IKZF2: variants seen among roughly 807,000 people sequenced by gnomAD.
IKZF2 encodes zinc finger protein Helios.
In IKZF2, 15 loss-of-function variants were observed where a neutral mutation model predicts 49.2. The ratio of observed to expected loss-of-function variants is 0.30; its 90% CI spans 0.20 to 0.47. IKZF2 has a LOEUF of 0.47. Among genes scored for constraint, IKZF2 ranks in the 20% least tolerant of loss-of-function variants. The probability of loss-of-function intolerance (pLI) is 1.00; values close to 1 mark genes in which losing one functional copy is unlikely to be tolerated. For synonymous variants in IKZF2, 227 were observed against 221.4 expected, an observed-to-expected ratio of 1.03 and a Z score of -0.23; for missense variants, 567 against 664.6, an observed-to-expected ratio of 0.85 and a Z score of 1.61.
At position 213,100,549 on chromosome 2, in the gene IKZF2, T is replaced by C. The variant is rs192567707; in HGVS notation, c.140-43450A>G. On this transcript the variant is annotated intron_variant, in intron 4 of 8. Coordinates refer to ENST00000434687, the MANE Select transcript of IKZF2 (RefSeq NM_001387220.1). ...TGAAAGCCACGTATTTAACATACTG[T>C]CTTAAAAGGCTATTTAATACAGCCA... Among the ~76,000 whole-genome samples the C allele has an allele frequency of 2.0e-4, 30 of 152,136 alleles. No homozygotes were observed. In the East Asian group the frequency reaches 5.2e-3, roughly 26 times the overall value.
At chr2:213,013,185 G>A (rs1696166872) in intron 8 of IKZF2, among the ~76,000 whole-genome samples, 1 of 151,844 alleles carries the variant, frequency 6.6e-6, no homozygotes, top group African/African-American at 2.4e-5. Flanking sequence ...TTGAATGTAG[G>A]TTGCTGCATT....
At chr2:213,061,657 C>T (rs13394636) in intron 4 of IKZF2, among the ~76,000 whole-genome samples, 69,596 of 151,140 alleles carry the variant, frequency 0.46, 18,558 homozygotes, top group East Asian at 0.75. Context: ...CTTAAAAAAT[C>T]ATTAAACCAG....
intron 5 of IKZF2, among the ~76,000 whole-genome samples, chr2:213,055,209 T>G (rs1215549708): frequency 6.6e-6 from 1 of 152,102 alleles, no homozygotes; most frequent in Non-Finnish European, 1.5e-5. Context: ...GTTATCTTCC[T>G]TAATACAATC....
At chr2:213,144,302 T>C (rs1392629498) in intron 4 of IKZF2, among the ~76,000 whole-genome samples, 1 of 151,932 alleles carries the variant, frequency 6.6e-6, no homozygotes. Context: ...TTTTGCATCA[T>C]GATGTATTTT....
At position 213,008,091 on chromosome 2, in the gene IKZF2, G is replaced by A; in HGVS notation, c.857-7C>T. The A allele has an allele frequency of 6.4e-7, 1 of 1,557,134 alleles. No homozygotes were observed. The highest frequency in any genetic ancestry group is 8.6e-7 in the Non-Finnish European group (1 of 1,156,516). ...AATCGCATGAGCTTTTCCCCTGGAA[G>A]GGAGTGGGAGGTGAAAGAAGTAAAA... On this transcript the variant is annotated splice_polypyrimidine_tract_variant and splice_region_variant and intron_variant, in intron 8 of 8. Coordinates refer to ENST00000434687, the MANE Select transcript of IKZF2 (RefSeq NM_001387220.1).
chr2:213,126,960 C>G (rs2060284835), intron 4 of IKZF2, among the ~76,000 whole-genome samples: 1 of 152,106 alleles, frequency 6.6e-6, no homozygotes, highest in Non-Finnish European at 1.5e-5. Context: ...CTATCACAGC[C>G]CATACAGCAT....
At chr2:213,067,250 A>AT (rs1485600956) in intron 4 of IKZF2, among the ~76,000 whole-genome samples, 4 of 152,158 alleles carry the variant, frequency 2.6e-5, no homozygotes, top group Admixed American at 2.0e-4. Context: ...AAAGCATTTC[A>AT]TAAGTATCAA....
intron 6 of IKZF2, among the ~76,000 whole-genome samples, chr2:213,040,240 T>C (rs981633099): frequency 9.3e-6 from 1 of 107,880 alleles, no homozygotes; most frequent in Non-Finnish European, 2.1e-5. Flanking sequence ...ACTTGTGTCA[T>C]GGGTTTTTTT....
chr2:213,060,505 G>C (rs1254843879), intron 4 of IKZF2, among the ~76,000 whole-genome samples: 1 of 151,038 alleles, frequency 6.6e-6, no homozygotes, highest in African/African-American at 2.4e-5. Flanking sequence ...CTCATAAATG[G>C]GCTATAAAGA....
intron 4 of IKZF2, among the ~76,000 whole-genome samples, chr2:213,136,096 G>A (rs111971539): frequency 0.015 from 2,191 of 150,336 alleles, 52 homozygotes; most frequent in African/African-American, 0.051. Context: ...AGAGCCGGGG[G>A]CAGTGGCTTT....
chr2:213,059,503 G>C (rs1447719373), intron 4 of IKZF2, among the ~76,000 whole-genome samples: 1 of 151,450 alleles, frequency 6.6e-6, no homozygotes, highest in Non-Finnish European at 1.5e-5. Flanking sequence ...CCCATATAGT[G>C]TTATATTCCA....
At chr2:213,142,843 A>G (rs1309881776) in intron 4 of IKZF2, among the ~76,000 whole-genome samples, 1 of 152,014 alleles carries the variant, frequency 6.6e-6, no homozygotes, top group African/African-American at 2.4e-5. Context: ...CTAGCATACT[A>G]AGTGCACTCA....
At chr2:213,040,910 G>A (rs984417553) in intron 6 of IKZF2, among the ~76,000 whole-genome samples, 2 of 152,182 alleles carry the variant, frequency 1.3e-5, no homozygotes, top group African/African-American at 4.8e-5. Context: ...CTGAGGTCAG[G>A]AGTTCAAGAC....
rs1236280592 is a variant in IKZF2, at chr2:213,116,616, T to TAGTC, written c.139+31088_139+31091dup. Among the ~76,000 whole-genome samples the TAGTC allele has an allele frequency of 2.0e-5, 3 of 152,208 alleles. No individual in the cohort carries two copies. In the East Asian group the frequency reaches 5.8e-4, roughly 29 times the overall value. ...ATACAGGCAGGGTGGCCTGTGCCTG[T>TAGTC]AGTCCCAGCTACTTGGAAGGCTGAG... On this transcript the variant is annotated intron_variant, in intron 4 of 8. Coordinates refer to ENST00000434687, the MANE Select transcript of IKZF2 (RefSeq NM_001387220.1).
chr2:213,019,818 A>AG (rs1212060636), intron 7 of IKZF2, among the ~76,000 whole-genome samples: 11 of 152,240 alleles, frequency 7.2e-5, no homozygotes, highest in Non-Finnish European at 1.6e-4. Context: ...TCTGGGGAAT[A>AG]GGGGGTAAGA....
chr2:213,018,659 C>T (rs1428868032), intron 7 of IKZF2, among the ~76,000 whole-genome samples: 1 of 152,166 alleles, frequency 6.6e-6, no homozygotes, highest in Non-Finnish European at 1.5e-5. Context: ...CAAACACTAG[C>T]TTAGCAGAGA....
chr2:213,002,064 A>G lies in IKZF2; in HGVS notation c.*5296T>C, dbSNP rs2124946329. The G allele has an allele frequency of 6.6e-6, 1 of 151,536 alleles. No homozygotes were observed. The highest frequency in any genetic ancestry group is 2.1e-4 in the South Asian group (1 of 4,822). 9.4% of individuals were successfully genotyped at this position (151,536 alleles called of 1,614,324 possible). A position where few individuals can be genotyped will look rare whatever the true frequency, so the allele number is the denominator to read the frequency against. ...TTCTTACTATCTGTCACTTGAGGTA[A>G]TTTGAAGGCCCAATTCACTGCAAAC... On this transcript the variant is annotated 3_prime_UTR_variant, in exon 9 of 9. Coordinates refer to ENST00000434687, the MANE Select transcript of IKZF2 (RefSeq NM_001387220.1).
At chr2:213,050,922 G>A (rs949501502) in intron 5 of IKZF2, among the ~76,000 whole-genome samples, 4 of 151,960 alleles carry the variant, frequency 2.6e-5, no homozygotes, top group African/African-American at 9.7e-5. Flanking sequence ...CAGTAAAAAT[G>A]TATCATACTA....
chr2:213,038,306 G>A (rs113691968), intron 6 of IKZF2, among the ~76,000 whole-genome samples: 23 of 152,242 alleles, frequency 1.5e-4, no homozygotes, highest in African/African-American at 5.1e-4. Flanking sequence ...TGATCTGCCC[G>A]TCTCGGCCTC....
Sources: gnomAD v4.1 joint callset for allele counts (sites outside exome capture counted in the v4.1 genomes callset) on GRCh38, gnomAD v4.1.1 for gene constraint, MANE v1.5 for transcripts, NCBI Gene and HGNC (gene_info 2026-07-23, HGNC 2026-07-21) for gene names.